Variants in CPT1A observed in about 807,000 individuals in gnomAD.
The protein encoded by CPT1A is carnitine O-palmitoyltransferase 1, liver isoform.
A neutral mutation model predicts 100.8 loss-of-function variants in CPT1A; 64 were observed. That is an observed-to-expected ratio of 0.63 (90% confidence interval 0.52 to 0.78). The LOEUF is 0.78. Among genes scored for constraint, CPT1A ranks in the 30% least tolerant of loss-of-function variants. The pLI, the probability that CPT1A is intolerant of heterozygous loss-of-function variation, is 0.00. For synonymous variants in CPT1A, 363 were observed against 396.0 expected, an observed-to-expected ratio of 0.92 and a Z score of 0.99; for missense variants, 802 against 1,034.1, an observed-to-expected ratio of 0.78 and a Z score of 3.08.
intron 9 of CPT1A, among the ~76,000 whole-genome samples, chr11:68,789,479 C>T (rs1462780154): frequency 1.3e-5 from 2 of 152,096 alleles, no homozygotes; most frequent in African/African-American, 2.4e-5. Flanking sequence ...TTACTGCAAG[C>T]TCCTCCTCCC....
intron 1 of CPT1A, among the ~76,000 whole-genome samples, chr11:68,826,892 G>A (rs1293821212): frequency 2.0e-5 from 3 of 152,146 alleles, no homozygotes; most frequent in African/African-American, 7.2e-5. Context: ...CACCTTCCTG[G>A]AAACAGACAG....
chr11:68,828,963 C>G (rs1156798754), intron 1 of CPT1A, among the ~76,000 whole-genome samples: 1 of 152,110 alleles, frequency 6.6e-6, no homozygotes, highest in Non-Finnish European at 1.5e-5. Context: ...AGTCAGCCAG[C>G]CCCCCAGGAC....
chr11:68,780,871 G>A, intron 11 of CPT1A, 126 bp from the exon 12 acceptor site: 1 of 733,968 alleles, frequency 1.4e-6, no homozygotes, highest in South Asian at 1.4e-5. Context: ...ACAGTGAGCA[G>A]ACACTCAGTC....
Position 68,800,421 on chromosome 11 carries a change from G to A in CPT1A, c.556-1066C>T, listed in dbSNP as rs144877309. Among the ~76,000 whole-genome samples the A allele has an allele frequency of 5.3e-3, 798 of 150,980 alleles. 13 individuals are homozygous for A. Among genetic ancestry groups the A allele is most frequent in the African/African-American group, 0.018 (749 of 41,048 alleles). On this transcript the variant is annotated intron_variant, in intron 5 of 18. Transcript: ENST00000265641. ...TTTGAGAGGCTGAGGTATGAAGAGT[G>A]CTTGAGCCCAAGCAATCTTGACCAG...
upstream of CPT1A, among the ~76,000 whole-genome samples, chr11:68,842,563 T>G (rs886597950): frequency 2.6e-5 from 4 of 152,150 alleles, no homozygotes; most frequent in African/African-American, 9.7e-5. Context: ...GCAGCGTGGC[T>G]CCTCCTCATC....
intron 3 of CPT1A, among the ~76,000 whole-genome samples, chr11:68,809,058 G>A (rs1292787021): frequency 2.0e-5 from 3 of 151,546 alleles, no homozygotes; most frequent in Admixed American, 2.0e-4. Context: ...ATTTAACACT[G>A]CATAATATTT....
chr11:68,825,471 G>A (rs112026622), intron 1 of CPT1A, among the ~76,000 whole-genome samples: 90 of 152,258 alleles, frequency 5.9e-4, no homozygotes, highest in African/African-American at 2.1e-3. Flanking sequence ...AAACCAGGAG[G>A]AGCAAAGGTT....
intron 6 of CPT1A, among the ~76,000 whole-genome samples, chr11:68,797,933 G>A (rs953646565): frequency 2.6e-5 from 4 of 152,132 alleles, no homozygotes; most frequent in African/African-American, 7.2e-5. Context: ...AGCCGAGATC[G>A]CTCCACTGCA....
Position 68,808,403 on chromosome 11 carries a change from G to A in CPT1A, c.282-765C>T, listed in dbSNP as rs57331024. ...TTTTTTTTTTCGAGACAAGAGTCTCGCTCTGCTGCCCAGGCTGGAGTGCAA... is the reference window on the plus strand; with the variant it reads ...TTTTTTTTTTCGAGACAAGAGTCTCACTCTGCTGCCCAGGCTGGAGTGCAA... On this transcript the variant is annotated intron_variant, in intron 3 of 18. Transcript: ENST00000265641. Among the ~76,000 whole-genome samples, 1,371 of 149,448 alleles carry A rather than the reference G, an allele frequency of 9.2e-3. 25 individuals carry two copies. Among genetic ancestry groups the A allele is most frequent in the African/African-American group, 0.032 (1,301 of 40,540 alleles).
Position 68,805,388 on chromosome 11 carries a change from T to A in CPT1A, c.454-1287A>T, listed in dbSNP as rs189753226. ...ATCGCTTGAGCCCGGGAGGCGGAGG[T>A]TGTAATGAGCCGAGATTGCACCACT... On this transcript the variant is annotated intron_variant, in intron 4 of 18. Coordinates refer to ENST00000265641, the MANE Select transcript of CPT1A (RefSeq NM_001876.4). Among the ~76,000 whole-genome samples the A allele has an allele frequency of 8.7e-5, 13 of 150,190 alleles. No homozygotes were observed. The East Asian group carries it at 2.3e-3, about 27-fold the overall frequency.
rs1856078535 is a variant in CPT1A at position 68,807,505 on chromosome 11, C to T, written c.415G>A (p.Glu139Lys). ...GTGGCACGACTCATCTTGCCGTGCT[C>T]AGTGAACATCCACCCGTGGTAGGAG... ...LLSYHGWMFT[E>K]HGKMSRATKI... Residue 139 changes from glutamate (E) to lysine (K), a missense_variant, in exon 4 of 19, where the codon GAG becomes AAG. Physicochemically the swap from Glu to Lys is moderately conservative, Grantham distance 56. This residue lies in a region of CPT1A where 161 missense variants were observed against 183.7 expected (regional missense o/e 0.88). Coordinates refer to ENST00000265641, the MANE Select transcript of CPT1A (RefSeq NM_001876.4). 6.2e-7 allele frequency: 1 copy of T among 1,614,078 alleles called. No individual in the cohort carries two copies. The highest frequency in any genetic ancestry group is 1.1e-5 in the South Asian group (1 of 91,078).
intron 1 of CPT1A, among the ~76,000 whole-genome samples, chr11:68,820,991 C>A (rs1240278582): frequency 6.6e-6 from 1 of 152,100 alleles, no homozygotes; most frequent in African/African-American, 2.4e-5. Flanking sequence ...CTACACACAT[C>A]CTCCTGTATA....
chr11:68,761,915 A>C (rs1488620792), intron 15 of CPT1A, among the ~76,000 whole-genome samples: 1 of 139,686 alleles, frequency 7.2e-6, no homozygotes, highest in Non-Finnish European at 1.6e-5. Flanking sequence ...CCGGTCTGAC[A>C]GCCTTTCCAG....
intron 1 of CPT1A, among the ~76,000 whole-genome samples, chr11:68,826,104 T>C (rs774881656): frequency 2.6e-5 from 4 of 151,898 alleles, no homozygotes; most frequent in Non-Finnish European, 5.9e-5. Context: ...CAGACCAGAG[T>C]CTGAGAGTGG....
rs954576920 is a variant in CPT1A at position 68,756,967 on chromosome 11, T to A, written c.*677A>T. On this transcript the variant is annotated 3_prime_UTR_variant, in exon 19 of 19. Coordinates refer to ENST00000265641, the MANE Select transcript of CPT1A (RefSeq NM_001876.4). ...TCTACAAAATAAATCTTTCTCTCCA[T>A]CTCCCTTACATTTAGGGCCTTTCAT... The A allele has an allele frequency of 6.5e-6, 1 of 153,776 alleles. No individual in the cohort carries two copies. Among genetic ancestry groups the A allele is most frequent in the African/African-American group, 2.4e-5 (1 of 41,432 alleles). The allele number at this position is 153,776 out of a possible 1,614,324, so 9.5% of individuals were successfully genotyped here.
chr11:68,806,633 GAAAAAA>G (rs775579381), intron 4 of CPT1A, among the ~76,000 whole-genome samples: 1 of 92,446 alleles, frequency 1.1e-5, no homozygotes, highest in African/African-American at 3.1e-5. Flanking sequence ...GTCTCAAAAA[GAAAAAA>G]AAAAAAAAAA....
At chr11:68,791,827 G>A (rs921959019) in intron 9 of CPT1A, among the ~76,000 whole-genome samples, 12 of 151,318 alleles carry the variant, frequency 7.9e-5, no homozygotes, top group Non-Finnish European at 1.3e-4. Context: ...GTGAGCCACC[G>A]CGCCTGGCCA....
At position 68,815,589 on chromosome 11, in the gene CPT1A, C is replaced by T. The variant is rs1194030962; in HGVS notation, c.-13-102G>A. ...TTCCTTCTGAACTTAAGTTCTTCCTCGCCACTTAACAGATTTAATACTTTT... is the reference window on the plus strand; with the variant it reads ...TTCCTTCTGAACTTAAGTTCTTCCTTGCCACTTAACAGATTTAATACTTTT... On this transcript the variant is annotated intron_variant, in intron 1 of 18. Transcript: ENST00000265641. 8 of 1,130,162 alleles carry T rather than the reference C, an allele frequency of 7.1e-6. No homozygotes were observed. The East Asian group carries it at 9.7e-5, about 14-fold the overall frequency. The allele number at this position is 1,130,162 out of a possible 1,614,324, so 70.0% of individuals were successfully genotyped here. A position where few individuals can be genotyped will look rare whatever the true frequency, so the allele number is the denominator to read the frequency against.
At position 68,815,476 on chromosome 11, in the gene CPT1A, T is replaced by C; in HGVS notation, c.-2A>G. ...CACAGCTTGGTGAGCTTCTGCCATC[T>C]TCAGAGAGTACCTGGAAGGAGAAGG... is the stretch of plus-strand genomic sequence containing the variant. On this transcript the variant is annotated 5_prime_UTR_variant, in exon 2 of 19. Transcript: ENST00000265641. The C allele has an allele frequency of 6.2e-7, 1 of 1,614,086 alleles. No homozygotes were observed. The highest frequency in any genetic ancestry group is 2.2e-5 in the East Asian group (1 of 44,888).
Sources: gnomAD v4.1 joint callset for allele counts (sites outside exome capture counted in the v4.1 genomes callset) on GRCh38, gnomAD v4.1.1 for gene constraint, gnomAD v4.1.1 regional missense constraint, MANE v1.5 for transcripts, NCBI Gene and HGNC (gene_info 2026-07-23, HGNC 2026-07-21) for gene names.